SKAP2: variants seen among roughly 807,000 people sequenced by gnomAD.
The protein encoded by SKAP2 is src kinase associated phosphoprotein 2, also known as src kinase-associated phosphoprotein 2.
A neutral mutation model predicts 54.9 loss-of-function variants in SKAP2; 28 were observed. That is an observed-to-expected ratio of 0.51 (90% CI 0.38 to 0.70). SKAP2 has a LOEUF of 0.70. Ranked by LOEUF, SKAP2 falls within the 30% of genes least tolerant of loss-of-function variation. SKAP2 has a pLI of 0.00. For missense variants in SKAP2, 356 were observed against 424.1 expected (o/e 0.84, Z 1.41); for synonymous variants, 137 against 134.3 (o/e 1.02, Z -0.14).
chr7:26,756,164 T>C (rs1380400340), intron 4 of SKAP2, among the ~76,000 whole-genome samples: 2 of 152,218 alleles, frequency 1.3e-5, no homozygotes, highest in East Asian at 1.9e-4. Context: ...AGTGATATAC[T>C]TTTTTAATAC....
At chr7:26,778,169 C>A (rs189418641) in intron 4 of SKAP2, among the ~76,000 whole-genome samples, 1 of 151,780 alleles carries the variant, frequency 6.6e-6, no homozygotes, top group Non-Finnish European at 1.5e-5. Context: ...TTGGTATATA[C>A]GAAAGCACTT....
At chr7:26,817,391 A>T (rs1328029156) in intron 4 of SKAP2, among the ~76,000 whole-genome samples, 1 of 152,132 alleles carries the variant, frequency 6.6e-6, no homozygotes, top group African/African-American at 2.4e-5. Flanking sequence ...GACACTATTA[A>T]AACTCAGTGG....
chr7:26,751,559 C>T (rs1782681955), intron 4 of SKAP2, among the ~76,000 whole-genome samples: 1 of 151,836 alleles, frequency 6.6e-6, no homozygotes, highest in East Asian at 1.9e-4. Flanking sequence ...TGGCATTTTC[C>T]CTCTTCTGTC....
At position 26,793,906 on chromosome 7, in the gene SKAP2, G is replaced by A. The variant is rs6963067; in HGVS notation, c.307+50124C>T. Among the ~76,000 whole-genome samples, 720 of 152,296 alleles carry A rather than the reference G, an allele frequency of 4.7e-3. 8 individuals are homozygous for A. The highest frequency in any genetic ancestry group is 0.017 in the African/African-American group (703 of 41,576). ...GGCTTAAAATACAATTAATTAGCCT[G>A]GGCTGTCAGGAAATGTGCCTACCTA... On this transcript the variant is annotated intron_variant, in intron 4 of 12. Coordinates refer to ENST00000345317, the MANE Select transcript of SKAP2 (RefSeq NM_003930.5).
chr7:26,854,938 G>A, intron 1 of SKAP2, 48 bp from the exon 2 acceptor site: 5 of 1,346,884 alleles, frequency 3.7e-6, no homozygotes, highest in South Asian at 1.3e-5. Context: ...AAGAAATAAA[G>A]GTTTTGTGAA....
At chr7:26,828,939 A>G (rs937928113) in intron 4 of SKAP2, among the ~76,000 whole-genome samples, 4 of 151,666 alleles carry the variant, frequency 2.6e-5, no homozygotes, top group African/African-American at 9.7e-5. Context: ...AGGCACGAGA[A>G]TCACTGGAAC....
chr7:26,854,825 T>C lies in SKAP2; in HGVS notation c.133A>G (p.Arg45Gly), dbSNP rs771052066. The change falls in exon 2 of 13, where the codon AGA becomes GGA. Residue 45 changes from arginine to glycine, a missense_variant. By Grantham distance (125) the Arg-to-Gly change is moderately radical. Transcript: ENST00000345317. ...TTTATCTTCTTAATAAGGGATTCTC[T>C]CTTTTCCTTTGCTTTCTTGGATAAA... ...ENLSKKAKEK[R>G]ESLIKKIKDV... 3 of 1,602,512 alleles carry C rather than the reference T, an allele frequency of 1.9e-6. No individual in the cohort carries two copies. The African/African-American group carries it at 4.0e-5, about 21-fold the overall frequency.
chr7:26,732,545 C>T (rs150227910), intron 6 of SKAP2, among the ~76,000 whole-genome samples: 30 of 152,282 alleles, frequency 2.0e-4, no homozygotes, highest in African/African-American at 7.0e-4. Context: ...GAAATGTGTT[C>T]AGCAATATCT....
At chr7:26,782,685 T>C (rs1022372775) in intron 4 of SKAP2, among the ~76,000 whole-genome samples, 1 of 152,032 alleles carries the variant, frequency 6.6e-6, no homozygotes, top group Admixed American at 6.6e-5. Context: ...ACTGAGGCTG[T>C]GTCTCTAAAA....
At chr7:26,738,951 A>T in intron 5 of SKAP2, 73 bp from the exon 6 acceptor site, 1 of 892,904 alleles carries the variant, frequency 1.1e-6, no homozygotes, top group Non-Finnish European at 1.9e-6. Flanking sequence ...ATGATTTCTA[A>T]GATTCCTCTG....
intron 9 of SKAP2, among the ~76,000 whole-genome samples, chr7:26,708,562 A>G (rs1787222461): frequency 6.6e-6 from 1 of 152,176 alleles, no homozygotes; most frequent in Non-Finnish European, 1.5e-5. Flanking sequence ...AAGGATCTCC[A>G]TTTAGTAAAC....
chr7:26,657,877 T>C, the SKAP2 span, among the ~76,000 whole-genome samples: 1 of 152,124 alleles, frequency 6.6e-6, no homozygotes, highest in Non-Finnish European at 1.5e-5. Flanking sequence ...TGTCATGATT[T>C]GGTGTTGTTT....
intron 9 of SKAP2, among the ~76,000 whole-genome samples, chr7:26,724,036 A>G (rs941603747): frequency 2.0e-5 from 3 of 152,184 alleles, no homozygotes; most frequent in African/African-American, 7.2e-5. Context: ...GAAGGGGTTA[A>G]TAAACATGTA....
At chr7:26,824,749 A>G (rs981423385) in intron 4 of SKAP2, among the ~76,000 whole-genome samples, 1 of 152,208 alleles carries the variant, frequency 6.6e-6, no homozygotes, top group Non-Finnish European at 1.5e-5. Context: ...GACAATATGT[A>G]AACAAATACG....
In SKAP2 at chr7:26,738,832, G is replaced by A. The variant is rs1283268671; in HGVS notation, c.432C>T (p.Leu144=). Residue 144 remains leucine, a synonymous_variant, in exon 6 of 13, where the codon CTC becomes CTT. Coordinates refer to ENST00000345317, the MANE Select transcript of SKAP2 (RefSeq NM_003930.5). ...CATAATAATAGAATACCGTTTTACT[G>A]AGAGCACACCACCGTTTCTGCCATT... ...GFEWQKRWCA[L]SKTVFYYYGS... is the part of the protein sequence containing the mutation. The A allele has an allele frequency of 1.9e-6, 3 of 1,607,410 alleles. No homozygotes were observed. In the East Asian group the frequency reaches 6.7e-5, roughly 36 times the overall value.
intron 4 of SKAP2, among the ~76,000 whole-genome samples, chr7:26,797,840 A>G (rs1197202634): frequency 6.6e-6 from 1 of 151,954 alleles, no homozygotes; most frequent in Non-Finnish European, 1.5e-5. Context: ...TGAAATAATG[A>G]AAAAGAACCA....
chr7:26,734,125 G>A (rs1787875348), intron 6 of SKAP2, among the ~76,000 whole-genome samples: 1 of 152,220 alleles, frequency 6.6e-6, no homozygotes, highest in Admixed American at 6.5e-5. Flanking sequence ...TTTGGAGGCA[G>A]AGAGATCTGC....
At chr7:26,659,913 T>C in the SKAP2 span, among the ~76,000 whole-genome samples, 4 of 152,228 alleles carry the variant, frequency 2.6e-5, no homozygotes, top group Non-Finnish European at 4.4e-5. Flanking sequence ...AATGTGTAAA[T>C]GGTAATCTGT....
In SKAP2 at chr7:26,726,123, T is replaced by A. The variant is rs527584053; in HGVS notation, c.595-137A>T. 6 of 588,030 alleles carry A rather than the reference T, an allele frequency of 1.0e-5. No homozygotes were observed. The South Asian group carries it at 1.3e-4, about 13-fold the overall frequency. 36.4% of individuals were successfully genotyped at this position (588,030 alleles called of 1,614,324 possible). ...ACTTTTCTTGCAAGGATGCTTCTTA[T>A]AATGTACAGTTAATTTTGACAAATT... On this transcript the variant is annotated intron_variant, in intron 7 of 12. Coordinates refer to ENST00000345317, the MANE Select transcript of SKAP2 (RefSeq NM_003930.5).
Sources: allele counts gnomAD v4.1 joint callset (sites outside exome capture counted in the v4.1 genomes callset), GRCh38; gene constraint gnomAD v4.1.1; transcripts MANE v1.5; gene names NCBI Gene and HGNC (gene_info 2026-07-23, HGNC 2026-07-21).